ZDHHC11B: variants seen among roughly 807,000 people sequenced by gnomAD.
ZDHHC11B encodes zDHHC palmitoyltransferase 11B (putative).
ZDHHC11B carries 17 observed loss-of-function variants against 42.3 expected under a neutral mutation model. That is an observed-to-expected ratio of 0.40 (90% CI 0.27 to 0.60). ZDHHC11B has a LOEUF of 0.60. Ranked by LOEUF, ZDHHC11B falls within the 20% of genes least tolerant of loss-of-function variation. The pLI is 0.41. For synonymous variants in ZDHHC11B, 123 were observed against 193.5 expected, an observed-to-expected ratio of 0.64 and a Z score of 3.02; for missense variants, 262 against 463.2, an observed-to-expected ratio of 0.57 and a Z score of 3.99.
At chr5:747,062 T>A (rs1208027563) in intron 8 of ZDHHC11B, among the ~76,000 whole-genome samples, 31 of 99,170 alleles carry the variant, frequency 3.1e-4, no homozygotes, top group Admixed American at 9.5e-4. Flanking sequence ...AACCCAAAAA[T>A]ATTTAAATAT....
chr5:767,499 A>G lies in ZDHHC11B; in HGVS notation c.-108T>C, dbSNP rs1350407715. On this transcript the variant is annotated 5_prime_UTR_variant, in exon 3 of 14. Coordinates refer to ENST00000508859, the MANE Select transcript of ZDHHC11B (RefSeq NM_001351303.2). Reference sequence around the variant, plus strand: ...CTGAATTATTCTGCATCGAAAGCGCAGTAGTGGCACTGGAGAGAAAGGTGA... The same window carrying G: ...CTGAATTATTCTGCATCGAAAGCGCGGTAGTGGCACTGGAGAGAAAGGTGA... 21 of 1,502,392 alleles carry G rather than the reference A, an allele frequency of 1.4e-5. 2 individuals are homozygous for G. Among genetic ancestry groups the G allele is most frequent in the Non-Finnish European group, 1.8e-5 (20 of 1,094,840 alleles). 93.1% of individuals were successfully genotyped at this position (1,502,392 alleles called of 1,614,324 possible).
chr5:743,461 G>C (rs12652109), intron 9 of ZDHHC11B, among the ~76,000 whole-genome samples: 1 of 147,294 alleles, frequency 6.8e-6, no homozygotes, highest in African/African-American at 2.5e-5. Context: ...GCCTGCTGGG[G>C]TTCAGCAGGG....
In ZDHHC11B at chr5:730,477, G is replaced by A; in HGVS notation, c.1024-9C>T. The A allele has an allele frequency of 3.9e-6, 6 of 1,556,620 alleles. No homozygotes were observed. The highest frequency in any genetic ancestry group is 2.4e-5 in the East Asian group (1 of 41,218). ...GGGGCATCATCTGCTTCCTGTGGGGGGAAGGGAAGCAAAATTCTTAGGATG... is the reference window on the plus strand; with the variant it reads ...GGGGCATCATCTGCTTCCTGTGGGGAGAAGGGAAGCAAAATTCTTAGGATG... On this transcript the variant is annotated splice_polypyrimidine_tract_variant and intron_variant, in intron 11 of 13. Transcript: ENST00000508859.
At chr5:766,176 G>A (rs1351416430) in intron 4 of ZDHHC11B, among the ~76,000 whole-genome samples, 1 of 151,858 alleles carries the variant, frequency 6.6e-6, no homozygotes, top group African/African-American at 2.4e-5. Flanking sequence ...CCCGCTGGAA[G>A]ATGATGGGAG....
At chr5:757,229 G>A (rs1284933590) in intron 4 of ZDHHC11B, among the ~76,000 whole-genome samples, 3 of 151,938 alleles carry the variant, frequency 2.0e-5, no homozygotes, top group Non-Finnish European at 4.4e-5. Flanking sequence ...GCAGCCCAGA[G>A]GCCCTCACAG....
intron 4 of ZDHHC11B, among the ~76,000 whole-genome samples, chr5:762,320 A>T (rs429739): frequency 6.6e-6 from 1 of 151,612 alleles, no homozygotes; most frequent in African/African-American, 2.4e-5. Flanking sequence ...ACAGCCACCT[A>T]CAAACAAGAC....
chr5:759,191 ACCTCC>A (rs1734246199), intron 4 of ZDHHC11B, among the ~76,000 whole-genome samples: 1 of 151,762 alleles, frequency 6.6e-6, no homozygotes, highest in African/African-American at 2.4e-5. Flanking sequence ...CTATGCTGGA[ACCTCC>A]CCTAGCAACA....
At chr5:770,058 G>C (rs1332757121) in intron 1 of ZDHHC11B, among the ~76,000 whole-genome samples, 2 of 151,752 alleles carry the variant, frequency 1.3e-5, no homozygotes, top group Non-Finnish European at 2.9e-5. Context: ...GGGGTCCCCC[G>C]GGGACTTGGG....
At chr5:724,828 C>A (rs868748832) in intron 12 of ZDHHC11B, among the ~76,000 whole-genome samples, 1 of 148,430 alleles carries the variant, frequency 6.7e-6, no homozygotes, top group Middle Eastern at 3.4e-3. Flanking sequence ...CTGAACCCAG[C>A]ACCTGGAAGC....
At position 736,307 on chromosome 5, in the gene ZDHHC11B, C is replaced by A. The variant is rs867527491; in HGVS notation, c.936-2468G>T. ...TATATATGCACCTAACGAGGAACCC[C>A]CCAAATTTATAAAACAATTCTTACA... On this transcript the variant is annotated intron_variant, in intron 10 of 13. Coordinates refer to ENST00000508859, the MANE Select transcript of ZDHHC11B (RefSeq NM_001351303.2). 2.1e-4 allele frequency among the ~76,000 whole-genome samples: 31 copies of A among 149,858 alleles called. 4 individuals carry two copies. Among genetic ancestry groups the A allele is most frequent in the Middle Eastern group, 6.8e-3 (2 of 292 alleles).
At chr5:722,799 C>A (rs1297965378) in intron 12 of ZDHHC11B, among the ~76,000 whole-genome samples, 1 of 151,320 alleles carries the variant, frequency 6.6e-6, no homozygotes, top group East Asian at 1.9e-4. Context: ...GGTGGAACAG[C>A]CACAGAAGCA....
intron 12 of ZDHHC11B, 131 bp from the exon 13 acceptor site, chr5:716,996 C>T (rs1415251865): frequency 1.5e-6 from 2 of 1,323,934 alleles, no homozygotes; most frequent in African/African-American, 1.4e-5. Flanking sequence ...GCAATCACTT[C>T]ACCTCTCTGA....
chr5:767,779 A>G lies in ZDHHC11B; in HGVS notation c.-133-255T>C, dbSNP rs573444143. Reference sequence around the variant, plus strand: ...GAAATGAGCTCTCTGCAAAGGGGTGAGCTCCACAAGCAAAAGAGCTGTGTG... The same window carrying G: ...GAAATGAGCTCTCTGCAAAGGGGTGGGCTCCACAAGCAAAAGAGCTGTGTG... On this transcript the variant is annotated intron_variant, in intron 2 of 13. Coordinates refer to ENST00000508859, the MANE Select transcript of ZDHHC11B (RefSeq NM_001351303.2). Among the ~76,000 whole-genome samples, 575 of 64,838 alleles carry G rather than the reference A, an allele frequency of 8.9e-3. 12 individuals carry two copies. Among genetic ancestry groups the G allele is most frequent in the African/African-American group, 0.027 (536 of 19,590 alleles). 42.5% of individuals were successfully genotyped at this position (64,838 alleles called of 152,430 possible). A position where few individuals can be genotyped will look rare whatever the true frequency, so the allele number is the denominator to read the frequency against.
intron 4 of ZDHHC11B, among the ~76,000 whole-genome samples, chr5:758,227 T>A (rs1734118098): frequency 6.6e-6 from 1 of 151,862 alleles, no homozygotes; most frequent in Non-Finnish European, 1.5e-5. Context: ...GAAGCTGCAC[T>A]GTGGCCCAGG....
intron 13 of ZDHHC11B, among the ~76,000 whole-genome samples, chr5:715,975 G>A (rs1197402045): frequency 6.6e-6 from 1 of 150,804 alleles, no homozygotes; most frequent in African/African-American, 2.5e-5. Context: ...TCAGGATACA[G>A]TATGCCCTAT....
intron 6 of ZDHHC11B, among the ~76,000 whole-genome samples, chr5:752,828 G>A (rs1417805130): frequency 3.4e-4 from 38 of 112,592 alleles, no homozygotes; most frequent in African/African-American, 9.9e-4. Context: ...TCCTGGGCTC[G>A]AGCCCACTTG....
intron 9 of ZDHHC11B, among the ~76,000 whole-genome samples, chr5:741,983 G>A (rs394013): frequency 1.5e-5 from 2 of 135,046 alleles, no homozygotes; most frequent in African/African-American, 2.7e-5. Flanking sequence ...TTTGATGACA[G>A]GCATTCTCCT....
At chr5:759,389 A>G (rs1251055102) in intron 4 of ZDHHC11B, among the ~76,000 whole-genome samples, 1 of 151,918 alleles carries the variant, frequency 6.6e-6, no homozygotes, top group East Asian at 1.9e-4. Context: ...TCGTCTTATC[A>G]ATCCCTGCGG....
At chr5:751,909 G>A (rs1292145823) in intron 6 of ZDHHC11B, among the ~76,000 whole-genome samples, 1 of 119,184 alleles carries the variant, frequency 8.4e-6, no homozygotes, top group Non-Finnish European at 1.9e-5. Context: ...CCCTTTTCAC[G>A]AGTGGGGAAA....
Sources: gnomAD v4.1 joint callset for allele counts (sites outside exome capture counted in the v4.1 genomes callset) on GRCh38, gnomAD v4.1.1 for gene constraint, MANE v1.5 for transcripts, NCBI Gene and HGNC (gene_info 2026-07-23, HGNC 2026-07-21) for gene names.